Variants in PID1 observed in about 807,000 individuals in gnomAD.
PID1 encodes PTB-containing, cubilin and LRP1-interacting protein.
A neutral mutation model predicts 19.1 loss-of-function variants in PID1; 10 were observed. The ratio of observed to expected loss-of-function variants is 0.52; its 90% CI spans 0.32 to 0.89. PID1 has a LOEUF of 0.89. Ranked by LOEUF, PID1 falls within the 40% of genes least tolerant of loss-of-function variation. The probability of loss-of-function intolerance (pLI) is 0.03; values close to 1 mark genes in which losing one functional copy is unlikely to be tolerated. For synonymous variants in PID1, 130 were observed against 116.0 expected (o/e 1.12, Z -0.78); for missense variants, 248 against 285.3 (o/e 0.87, Z 0.94).
intron 1 of PID1, among the ~76,000 whole-genome samples, chr2:229,206,312 AT>A (rs372743203): frequency 6.6e-6 from 1 of 150,842 alleles, no homozygotes; most frequent in Non-Finnish European, 1.5e-5. Flanking sequence ...GTTAATTTTT[AT>A]TTTTAGCTTT....
chr2:229,145,164 T>C (rs894748918), intron 2 of PID1, among the ~76,000 whole-genome samples: 1,603 of 137,656 alleles, frequency 0.012, 23 homozygotes, highest in African/African-American at 0.019. Flanking sequence ...TGTATATATA[T>C]ATATATATAT....
intron 1 of PID1, among the ~76,000 whole-genome samples, chr2:229,167,759 C>T (rs1166274925): frequency 1.3e-5 from 2 of 152,044 alleles, no homozygotes; most frequent in Admixed American, 6.6e-5. Context: ...TATGATTATA[C>T]AAAATTTAAT....
intron 1 of PID1, among the ~76,000 whole-genome samples, chr2:229,171,149 T>C (rs914855792): frequency 6.6e-6 from 1 of 152,246 alleles, no homozygotes. Flanking sequence ...CACATATTTA[T>C]GTCCATGCAC....
intron 1 of PID1, among the ~76,000 whole-genome samples, chr2:229,195,008 T>A (rs1037675019): frequency 6.6e-6 from 1 of 151,952 alleles, no homozygotes; most frequent in Non-Finnish European, 1.5e-5. Flanking sequence ...TTAGTTTATA[T>A]CTTACTAATG....
At chr2:229,083,598 T>A (rs1694708867) in intron 2 of PID1, among the ~76,000 whole-genome samples, 1 of 152,168 alleles carries the variant, frequency 6.6e-6, no homozygotes, top group Non-Finnish European at 1.5e-5. Flanking sequence ...GAACCACCTC[T>A]TCAGTTAAGC....
At chr2:229,072,142 C>T (rs978920815) in intron 2 of PID1, among the ~76,000 whole-genome samples, 1 of 152,148 alleles carries the variant, frequency 6.6e-6, no homozygotes, top group Non-Finnish European at 1.5e-5. Context: ...TAAGATAACT[C>T]AGTTTCACTA....
chr2:229,228,055 G>A (rs1692119983), intron 1 of PID1: 1 of 455,794 alleles, frequency 2.2e-6, no homozygotes, highest in Non-Finnish European at 4.4e-6. Context: ...TGGAGTTGCA[G>A]CAGCCATCCT....
chr2:229,081,412 T>A (rs1268258319), intron 2 of PID1, among the ~76,000 whole-genome samples: 1 of 152,140 alleles, frequency 6.6e-6, no homozygotes, highest in Non-Finnish European at 1.5e-5. Context: ...AAAATGTGAC[T>A]CAAGAGAAAA....
At chr2:229,226,203 T>C (rs1171374928) in intron 1 of PID1, among the ~76,000 whole-genome samples, 1 of 152,192 alleles carries the variant, frequency 6.6e-6, no homozygotes, top group Non-Finnish European at 1.5e-5. Flanking sequence ...TCAGGGTTCA[T>C]TGAGTAGTAT....
chr2:229,112,707 A>C (rs1035748631), intron 2 of PID1, among the ~76,000 whole-genome samples: 19 of 152,080 alleles, frequency 1.2e-4, no homozygotes, highest in African/African-American at 3.4e-4. Flanking sequence ...CTGGTCGCAA[A>C]CTCCTGAGCT....
chr2:229,056,060 C>G (rs1559212934), intron 2 of PID1, among the ~76,000 whole-genome samples: 1 of 152,158 alleles, frequency 6.6e-6, no homozygotes, highest in Non-Finnish European at 1.5e-5. Flanking sequence ...TATACATAAT[C>G]TGGTTATTTT....
intron 2 of PID1, among the ~76,000 whole-genome samples, chr2:229,066,385 G>A (rs1574600432): frequency 6.6e-6 from 1 of 152,178 alleles, no homozygotes; most frequent in African/African-American, 2.4e-5. Flanking sequence ...GGAGTTGAAG[G>A]AAGCCACTCA....
intron 1 of PID1, among the ~76,000 whole-genome samples, chr2:229,263,438 G>A (rs1690509903): frequency 6.6e-6 from 1 of 152,172 alleles, no homozygotes; most frequent in Admixed American, 6.5e-5. Flanking sequence ...TATTCATGAA[G>A]GTAAAGTATC....
chr2:229,270,909 A>C (rs1443660869), intron 1 of PID1, 105 bp downstream of exon 1: 7 of 999,932 alleles, frequency 7.0e-6, no homozygotes, highest in Non-Finnish European at 1.0e-5. Flanking sequence ...GTCTTACAAG[A>C]TGGTTTTGGG....
chr2:229,226,682 C>T (rs770625116), intron 1 of PID1, among the ~76,000 whole-genome samples: 5 of 152,158 alleles, frequency 3.3e-5, no homozygotes, highest in Non-Finnish European at 5.9e-5. Context: ...TGGAAGGACT[C>T]GTGATACTGA....
At chr2:229,243,861 G>A (rs1329465994) in intron 1 of PID1, among the ~76,000 whole-genome samples, 1 of 152,126 alleles carries the variant, frequency 6.6e-6, no homozygotes, top group Non-Finnish European at 1.5e-5. Flanking sequence ...GCCCAATTTA[G>A]TAACTCTCAG....
intron 2 of PID1, among the ~76,000 whole-genome samples, chr2:229,136,243 C>A (rs1306773965): frequency 6.6e-6 from 1 of 152,128 alleles, no homozygotes; most frequent in Non-Finnish European, 1.5e-5. Context: ...GTCCCACCAA[C>A]AATCACCTGA....
intron 2 of PID1, among the ~76,000 whole-genome samples, chr2:229,072,613 A>T (rs1037558253): frequency 6.6e-6 from 1 of 152,196 alleles, no homozygotes; most frequent in East Asian, 1.9e-4. Flanking sequence ...AAAAAAGATA[A>T]ATAGTTTGTC....
At chr2:229,210,524 T>G (rs1691706594) in intron 1 of PID1, among the ~76,000 whole-genome samples, 1 of 10,166 alleles carries the variant, frequency 9.8e-5, no homozygotes, top group African/African-American at 4.5e-4. Context: ...GAGTTTTGTC[T>G]CAAAAAAAAA....
Sources: allele counts gnomAD v4.1 joint callset (sites outside exome capture counted in the v4.1 genomes callset), GRCh38; gene constraint gnomAD v4.1.1; transcripts MANE v1.5; gene names NCBI Gene and HGNC (gene_info 2026-07-23, HGNC 2026-07-21).